The following ATG4D variants were observed in gnomAD, a reference collection of about 807,000 sequenced individuals.
ATG4D encodes cysteine protease ATG4D.
In ATG4D, 51 loss-of-function variants were observed where a neutral mutation model predicts 55.2. That is an observed-to-expected ratio of 0.92 (90% confidence interval 0.74 to 1.17). The LOEUF (loss-of-function observed/expected upper bound fraction) is 1.17. Ranked by LOEUF, ATG4D falls within the 50% of genes most tolerant of loss-of-function variation. The probability of loss-of-function intolerance (pLI) is 0.00; values close to 1 mark genes in which losing one functional copy is unlikely to be tolerated. For missense variants in ATG4D, 635 were observed against 649.6 expected (o/e 0.98, Z 0.25); for synonymous variants, 268 against 266.2 (o/e 1.01, Z -0.07).
Position 10,552,133 on chromosome 19 carries a change from C to T in ATG4D, c.1122+12C>T. 6.2e-7 allele frequency: 1 copy of T among 1,611,806 alleles called. No individual in the cohort carries two copies. Among genetic ancestry groups the T allele is most frequent in the Non-Finnish European group, 8.5e-7 (1 of 1,179,986 alleles). ...ACTTCCCCCTGGAGGTGAGTGGGAG[C>T]CCCAGTGTGTGGTTGGGGCCATGGC... On this transcript the variant is annotated intron_variant, in intron 8 of 9. Transcript: ENST00000309469.
intron 1 of ATG4D, among the ~76,000 whole-genome samples, 197 bp downstream of exon 1, chr19:10,544,522 A>C (rs926440213): frequency 2.0e-5 from 3 of 152,128 alleles, no homozygotes; most frequent in Admixed American, 1.3e-4. Context: ...ACCTTGGGCA[A>C]GATCCTTTGC....
rs769534266 is a variant in ATG4D at position 10,552,106 on chromosome 19, C to T, written c.1107C>T (p.Ala369=). The change falls in exon 8 of 10, where the codon GCC becomes GCT. Residue 369 remains alanine, a synonymous_variant. Transcript: ENST00000309469. ...YCQPTVDVSQ[A]DFPLESFHCT... ...AGCCCACTGTGGATGTCAGCCAGGC[C>T]GACTTCCCCCTGGAGGTGAGTGGGA... The T allele has an allele frequency of 1.9e-5, 30 of 1,611,558 alleles. No homozygotes were observed. Among genetic ancestry groups the T allele is most frequent in the South Asian group, 3.3e-5 (3 of 91,078 alleles).
chr19:10,549,352 A>G (rs1027348407), intron 6 of ATG4D, among the ~76,000 whole-genome samples: 2 of 151,862 alleles, frequency 1.3e-5, no homozygotes, highest in Admixed American at 6.6e-5. Context: ...TGAACTCCTA[A>G]CCTCAGGTCA....
At position 10,546,871 on chromosome 19, in the gene ATG4D, C is replaced by T. The variant is rs142336391; in HGVS notation, c.526C>T (p.Pro176Ser). Residue 176 changes from proline to serine, a missense_variant, in exon 4 of 10, where the codon CCC (proline) becomes TCC (serine). By Grantham distance (74) the Pro-to-Ser change is moderately conservative. Coordinates refer to ENST00000309469, the MANE Select transcript of ATG4D (RefSeq NM_032885.6). ...ATGGGCCGAGGGCATGGGCCTGGGCCCCCCTGAGCTGTCAGGGTCAGCCTC... is the reference window on the plus strand; with the variant it reads ...ATGGGCCGAGGGCATGGGCCTGGGCTCCCCTGAGCTGTCAGGGTCAGCCTC... ...WTWAEGMGLG[P>S]PELSGSASPS... 7.4e-5 allele frequency: 118 copies of T among 1,603,554 alleles called. 1 individual carries two copies. The African/African-American group carries it at 1.3e-3, about 18-fold the overall frequency.
chr19:10,544,176 G>T lies in ATG4D; in HGVS notation c.86G>T (p.Arg29Leu). The change falls in exon 1 of 10, where the codon CGG (arginine) becomes CTG (leucine). Residue 29 changes from arginine (R) to leucine (L), a missense_variant. By Grantham distance (102) the Arg-to-Leu change is moderately radical (BLOSUM62 -2). Transcript: ENST00000309469. ...ARRRPEARRP[R>L]GPRGPDPNGL... Reference sequence around the variant, plus strand: ...CGCCGGCCCGAGGCCCGCAGGCCGCGGGGTCCCAGAGGCCCAGACCCCAAC... The same window carrying T: ...CGCCGGCCCGAGGCCCGCAGGCCGCTGGGTCCCAGAGGCCCAGACCCCAAC... 5 of 1,245,772 alleles carry T rather than the reference G, an allele frequency of 4.0e-6. No individual in the cohort carries two copies. The highest frequency in any genetic ancestry group is 4.1e-5 in the South Asian group (1 of 24,522). 77.2% of individuals were successfully genotyped at this position (1,245,772 alleles called of 1,614,324 possible). A position where few individuals can be genotyped will look rare whatever the true frequency, so the allele number is the denominator to read the frequency against.
At chr19:10,548,822 G>A (rs1916129663) in intron 5 of ATG4D, 82 bp from the exon 6 acceptor site, 2 of 1,546,154 alleles carry the variant, frequency 1.3e-6, no homozygotes, top group Non-Finnish European at 1.8e-6. Context: ...GCACGGTTGA[G>A]GTTGAGCCCC....
chr19:10,544,694 G>A (rs1485104522), intron 1 of ATG4D, 89 bp from the exon 2 acceptor site: 4 of 1,583,664 alleles, frequency 2.5e-6, no homozygotes, highest in Non-Finnish European at 3.4e-6. Context: ...AACTAGGATC[G>A]TGCCCATTTC....
chr19:10,552,353 G>A (rs2144700773), intron 9 of ATG4D, 29 bp downstream of exon 9: 2 of 1,598,620 alleles, frequency 1.3e-6, no homozygotes, highest in Non-Finnish European at 8.5e-7. Context: ...GGAGTGGGGT[G>A]AGGGGGGCGG....
chr19:10,548,660 C>G (rs1225242350), intron 5 of ATG4D, among the ~76,000 whole-genome samples: 1 of 152,100 alleles, frequency 6.6e-6, no homozygotes, highest in East Asian at 1.9e-4. Context: ...TCTGTATATA[C>G]TTTTGGTCTA....
chr19:10,550,486 C>T (rs775102453), intron 6 of ATG4D, among the ~76,000 whole-genome samples: 9 of 152,050 alleles, frequency 5.9e-5, no homozygotes, highest in Non-Finnish European at 1.2e-4. Flanking sequence ...TATTTGCATC[C>T]GAATAAAAGC....
At chr19:10,546,679 A>T (rs2092532345) in intron 3 of ATG4D, among the ~76,000 whole-genome samples, 160 bp from the exon 4 acceptor site, 1 of 152,018 alleles carries the variant, frequency 6.6e-6, no homozygotes, top group African/African-American at 2.4e-5. Flanking sequence ...AGTAACAAAA[A>T]ATAAATAAAT....
Position 10,544,000 on chromosome 19 carries a change from C to G in ATG4D, c.-91C>G. 2 of 903,080 alleles carry G rather than the reference C, an allele frequency of 2.2e-6. No homozygotes were observed. The highest frequency in any genetic ancestry group is 2.9e-6 in the Non-Finnish European group (2 of 692,004). 55.9% of individuals were successfully genotyped at this position (903,080 alleles called of 1,614,324 possible). The stretch of plus-strand genomic sequence containing the variant: ...GGACGGGGGCCGAGTAGCGCCTTCC[C>G]CGGGCCCCGTGAACCGGCTGCGGGT... On this transcript the variant is annotated 5_prime_UTR_variant, in exon 1 of 10. Coordinates refer to ENST00000309469, the MANE Select transcript of ATG4D (RefSeq NM_032885.6).
chr19:10,543,985 C>T lies in ATG4D; in HGVS notation c.-106C>T, dbSNP rs1915943811. 5.6e-6 allele frequency: 4 copies of T among 709,592 alleles called. No individual in the cohort carries two copies. The highest frequency in any genetic ancestry group is 8.9e-5 in the Admixed American group (2 of 22,420). 44.0% of individuals were successfully genotyped at this position (709,592 alleles called of 1,614,324 possible). ...GGCCCGGTACCCTGGGGACGGGGGC[C>T]GAGTAGCGCCTTCCCCGGGCCCCGT... On this transcript the variant is annotated 5_prime_UTR_variant, in exon 1 of 10. Transcript: ENST00000309469.
intron 6 of ATG4D, 49 bp downstream of exon 6, chr19:10,549,083 C>G (rs956621738): frequency 5.0e-6 from 8 of 1,607,578 alleles, no homozygotes; most frequent in Non-Finnish European, 6.0e-6. Context: ...GCCCTCCAGA[C>G]TTGTTTAGTT....
At position 10,544,147 on chromosome 19, in the gene ATG4D, G is replaced by A; in HGVS notation, c.57G>A (p.Ala19=). The change falls in exon 1 of 10, where the codon GCG becomes GCA. Residue 19 remains alanine, a synonymous_variant. Transcript: ENST00000309469. ...AQYRSSSPED[A]RRRPEARRPR... is the part of the protein sequence containing the mutation. Reference sequence around the variant, plus strand: ...ACCGGAGCAGCAGCCCGGAGGACGCGCGCCGCCGGCCCGAGGCCCGCAGGC... The same window carrying A: ...ACCGGAGCAGCAGCCCGGAGGACGCACGCCGCCGGCCCGAGGCCCGCAGGC... 1 of 1,244,218 alleles carries A rather than the reference G, an allele frequency of 8.0e-7. No homozygotes were observed. Among genetic ancestry groups the A allele is most frequent in the South Asian group, 4.1e-5 (1 of 24,400 alleles). The allele number at this position is 1,244,218 out of a possible 1,614,324, so 77.1% of individuals were successfully genotyped here. A position where few individuals can be genotyped will look rare whatever the true frequency, so the allele number is the denominator to read the frequency against.
rs1294706156 is a variant in ATG4D, at chr19:10,544,086, C to T, written c.-5C>T. The T allele has an allele frequency of 1.6e-6, 2 of 1,237,562 alleles. No individual in the cohort carries two copies. Among genetic ancestry groups the T allele is most frequent in the South Asian group, 8.3e-5 (2 of 24,022 alleles). 76.7% of individuals were successfully genotyped at this position (1,237,562 alleles called of 1,614,324 possible). ...GGGCCCTCGGTCCGCCCTCCCGGCG[C>T]GTCCATGAACTCAGTGTCGCCGGCC... On this transcript the variant is annotated 5_prime_UTR_variant, in exon 1 of 10. Transcript: ENST00000309469.
chr19:10,550,436 A>T (rs960935407), intron 6 of ATG4D, among the ~76,000 whole-genome samples: 5 of 152,166 alleles, frequency 3.3e-5, no homozygotes, highest in African/African-American at 1.2e-4. Context: ...GGCAAAAGGA[A>T]CAGCAAGACA....
intron 6 of ATG4D, 123 bp from the exon 7 acceptor site, chr19:10,551,774 G>A (rs1916246210): frequency 5.0e-6 from 4 of 801,872 alleles, no homozygotes; most frequent in African/African-American, 3.4e-5. Context: ...AGCTCCTGAG[G>A]GCAAGGGTTT....
In ATG4D at chr19:10,544,944, C is replaced by G. The variant is rs942203803; in HGVS notation, c.320-13C>G. 6.3e-7 allele frequency: 1 copy of G among 1,582,524 alleles called. No homozygotes were observed. Among genetic ancestry groups the G allele is most frequent in the African/African-American group, 1.3e-5 (1 of 74,494 alleles). The stretch of plus-strand genomic sequence containing the variant: ...AGTGTCCCTGGTGGCAGCTGACAGA[C>G]CCGCTCTTGTAGGTGACATACAGCG... On this transcript the variant is annotated splice_polypyrimidine_tract_variant and intron_variant, in intron 2 of 9. Coordinates refer to ENST00000309469, the MANE Select transcript of ATG4D (RefSeq NM_032885.6).
Sources: gnomAD v4.1 joint callset for allele counts (sites outside exome capture counted in the v4.1 genomes callset) on GRCh38, gnomAD v4.1.1 for gene constraint, MANE v1.5 for transcripts, NCBI Gene and HGNC (gene_info 2026-07-23, HGNC 2026-07-21) for gene names.